The following LOC128706665 variants were observed in gnomAD, a reference collection of about 807,000 sequenced individuals.
At chr20:10,416,972 T>G in the LOC128706665 span, among the ~76,000 whole-genome samples, 8 of 152,016 alleles carry the variant, frequency 5.3e-5, no homozygotes, top group African/African-American at 1.9e-4. Context: ...CTATCTGATC[T>G]TTTATAGAAA....
chr20:10,418,910 A>G, the LOC128706665 span, among the ~76,000 whole-genome samples: 1 of 152,104 alleles, frequency 6.6e-6, no homozygotes, highest in East Asian at 1.9e-4. Context: ...CTCTTCCTAT[A>G]AATACAAATT....
chr20:10,420,732 G>A, the LOC128706665 span: 1 of 152,138 alleles, frequency 6.6e-6, no homozygotes, highest in Non-Finnish European at 1.5e-5. Flanking sequence ...AGTTCCGAAG[G>A]CTCATAGTAC....
At chr20:10,429,732 C>T in the LOC128706665 span, among the ~76,000 whole-genome samples, 2 of 152,194 alleles carry the variant, frequency 1.3e-5, no homozygotes, top group African/African-American at 2.4e-5. Flanking sequence ...AATCCCTCCT[C>T]CCTAGGGTCA....
At chr20:10,433,745 G>A in the LOC128706665 span, among the ~76,000 whole-genome samples, 1 of 152,120 alleles carries the variant, frequency 6.6e-6, no homozygotes, top group Non-Finnish European at 1.5e-5. Context: ...CAGACAGTCA[G>A]GGGCACACGG....
the LOC128706665 span, among the ~76,000 whole-genome samples, chr20:10,417,386 G>C: frequency 1.3e-5 from 2 of 152,218 alleles, no homozygotes; most frequent in African/African-American, 4.8e-5. Flanking sequence ...CAAGGCAGGA[G>C]GATTGCTTGA....
chr20:10,416,861 G>A, the LOC128706665 span, among the ~76,000 whole-genome samples: 5 of 152,174 alleles, frequency 3.3e-5, no homozygotes, highest in Non-Finnish European at 7.3e-5. Flanking sequence ...AAGCAGCCAT[G>A]CTCATTAATT....
At chr20:10,421,747 C>T in the LOC128706665 span, among the ~76,000 whole-genome samples, 2 of 151,528 alleles carry the variant, frequency 1.3e-5, no homozygotes, top group African/African-American at 2.4e-5. Context: ...TAGACAGTTG[C>T]CTGGAGTTAC....
the LOC128706665 span, among the ~76,000 whole-genome samples, chr20:10,422,854 G>A: frequency 7.9e-5 from 12 of 151,974 alleles, no homozygotes; most frequent in South Asian, 2.1e-4. Flanking sequence ...TGGGACTACA[G>A]GTGCCCGCCA....
the LOC128706665 span, among the ~76,000 whole-genome samples, chr20:10,427,029 G>GACACACACAC: frequency 0.029 from 3,760 of 130,650 alleles, 113 homozygotes; most frequent in Admixed American, 0.035. Flanking sequence ...AGAAAACACT[G>GACACACACAC]ACACACACAC....
the LOC128706665 span, among the ~76,000 whole-genome samples, chr20:10,426,545 C>T: frequency 3.9e-5 from 6 of 152,016 alleles, no homozygotes; most frequent in African/African-American, 1.2e-4. Flanking sequence ...GATTACAGGC[C>T]CACGCCACCA....
At chr20:10,414,941 T>C in the LOC128706665 span, among the ~76,000 whole-genome samples, 1 of 152,160 alleles carries the variant, frequency 6.6e-6, no homozygotes, top group Non-Finnish European at 1.5e-5. Context: ...TTAATGACAG[T>C]ACATGCAAAA....
chr20:10,429,579 T>A, the LOC128706665 span, among the ~76,000 whole-genome samples: 6 of 152,210 alleles, frequency 3.9e-5, no homozygotes, highest in African/African-American at 7.2e-5. Flanking sequence ...TCCACCTGGA[T>A]TTCCTGTTTC....
chr20:10,429,967 C>A, the LOC128706665 span, among the ~76,000 whole-genome samples: 1 of 152,030 alleles, frequency 6.6e-6, no homozygotes, highest in Non-Finnish European at 1.5e-5. Flanking sequence ...AGTTTGAGAC[C>A]CACTGTTCTA....
the LOC128706665 span, among the ~76,000 whole-genome samples, chr20:10,430,214 G>C: frequency 6.6e-6 from 1 of 152,132 alleles, no homozygotes; most frequent in African/African-American, 2.4e-5. Flanking sequence ...AATCATTTTT[G>C]TAAGAATGCA....
the LOC128706665 span, among the ~76,000 whole-genome samples, chr20:10,429,970 C>G: frequency 1.3e-5 from 2 of 152,188 alleles, no homozygotes; most frequent in African/African-American, 4.8e-5. Flanking sequence ...TTGAGACCCA[C>G]TGTTCTAGTC....
At chr20:10,428,186 G>T in the LOC128706665 span, among the ~76,000 whole-genome samples, 1 of 152,194 alleles carries the variant, frequency 6.6e-6, no homozygotes, top group Non-Finnish European at 1.5e-5. Context: ...CACAATGGTT[G>T]TAGTGGTTTA....
At chr20:10,433,546 G>C in the LOC128706665 span, among the ~76,000 whole-genome samples, 1 of 152,220 alleles carries the variant, frequency 6.6e-6, no homozygotes, top group Non-Finnish European at 1.5e-5. Flanking sequence ...ACGGCAACAG[G>C]ATTTGGGTAT....
chr20:10,421,974 C>A, the LOC128706665 span, among the ~76,000 whole-genome samples: 1 of 151,914 alleles, frequency 6.6e-6, no homozygotes, highest in Non-Finnish European at 1.5e-5. Context: ...GTTTTAGTAC[C>A]ATGAAATCTC....
At chr20:10,430,456 T>C in the LOC128706665 span, among the ~76,000 whole-genome samples, 489 of 152,326 alleles carry the variant, frequency 3.2e-3, 5 homozygotes, top group African/African-American at 0.011. Flanking sequence ...GCTATTATTA[T>C]TTTGATTATG....
Sources: allele counts gnomAD v4.1 joint callset (sites outside exome capture counted in the v4.1 genomes callset), GRCh38; gene constraint gnomAD v4.1.1; transcripts MANE v1.5.